The following CTSC variants were observed in gnomAD, a reference collection of about 807,000 sequenced individuals.
The protein encoded by CTSC is dipeptidyl peptidase 1.
Under a neutral mutation model 40.9 loss-of-function variants are expected in CTSC, and 37 were observed. The ratio of observed to expected loss-of-function variants is 0.91; its 90% CI spans 0.70 to 1.19. CTSC has a LOEUF of 1.19. CTSC is among the 50% of genes most tolerant of loss of function. CTSC has a pLI of 0.00. For synonymous variants in CTSC, 232 were observed against 207.4 expected, an observed-to-expected ratio of 1.12 and a Z score of -1.02; for missense variants, 594 against 567.3, an observed-to-expected ratio of 1.05 and a Z score of -0.48.
intron 2 of CTSC, among the ~76,000 whole-genome samples, chr11:88,317,338 T>C (rs969207441): frequency 6.6e-6 from 1 of 152,248 alleles, no homozygotes; most frequent in African/African-American, 2.4e-5. Context: ...CCTAAAAAAC[T>C]ACAACTTTGT....
chr11:88,325,519 A>G lies in CTSC; in HGVS notation c.318+9418T>C, dbSNP rs182520635. 26 of 985,390 alleles carry G rather than the reference A, an allele frequency of 2.6e-5. No homozygotes were observed. The East Asian group carries it at 1.1e-3, about 43-fold the overall frequency. 61.0% of individuals were successfully genotyped at this position (985,390 alleles called of 1,614,324 possible). ...TTTTTTCACTATTTAGCCCCAAGGA[A>G]GTCTTTAGGCTTGAAAGACAAGTTC... On this transcript the variant is annotated intron_variant, in intron 2 of 6. Coordinates refer to ENST00000227266, the MANE Select transcript of CTSC (RefSeq NM_001814.6).
chr11:88,293,893 T>A lies in CTSC; in HGVS notation c.*113A>T, dbSNP rs564800917. 262 of 1,268,704 alleles carry A rather than the reference T, an allele frequency of 2.1e-4. 6 individuals are homozygous for A. The South Asian group carries it at 2.8e-3, about 13-fold the overall frequency. The allele number at this position is 1,268,704 out of a possible 1,614,324, so 78.6% of individuals were successfully genotyped here. A position where few individuals can be genotyped will look rare whatever the true frequency, so the allele number is the denominator to read the frequency against. On this transcript the variant is annotated 3_prime_UTR_variant, in exon 7 of 7. Coordinates refer to ENST00000227266, the MANE Select transcript of CTSC (RefSeq NM_001814.6). ...TTAATTCTGAAGACAAATATCTTCA[T>A]GGAAATCTATTTGTAAGCTTCTGAG...
At chr11:88,326,010 A>G (rs1938172008) in intron 2 of CTSC, 7 of 1,036,348 alleles carry the variant, frequency 6.8e-6, no homozygotes, top group Non-Finnish European at 8.1e-6. Flanking sequence ...AAAACAAAAC[A>G]TACACTTCAA....
intron 2 of CTSC, among the ~76,000 whole-genome samples, chr11:88,328,925 T>C (rs1938266152): frequency 6.6e-6 from 1 of 152,186 alleles, no homozygotes; most frequent in Non-Finnish European, 1.5e-5. Flanking sequence ...TTAGAAACAC[T>C]GATGGTCATT....
At chr11:88,317,017 A>G (rs1345806950) in intron 2 of CTSC, among the ~76,000 whole-genome samples, 2 of 150,952 alleles carry the variant, frequency 1.3e-5, no homozygotes, top group Non-Finnish European at 2.9e-5. Flanking sequence ...CCCAGGCTGG[A>G]GTGCAGTGGC....
At chr11:88,314,538 C>G (rs1937834008) in intron 2 of CTSC, among the ~76,000 whole-genome samples, 2 of 151,962 alleles carry the variant, frequency 1.3e-5, no homozygotes, top group African/African-American at 4.8e-5. Context: ...ATGATATTCT[C>G]TTTTTTTCAG....
At chr11:88,300,104 C>T (rs905509497) in intron 5 of CTSC, among the ~76,000 whole-genome samples, 8 of 152,162 alleles carry the variant, frequency 5.3e-5, no homozygotes, top group South Asian at 4.2e-4. Flanking sequence ...ATTTATTTTA[C>T]GGGTTCATGT....
intron 1 of CTSC, 97 bp downstream of exon 1, chr11:88,337,404 G>C: frequency 8.0e-7 from 1 of 1,257,710 alleles, no homozygotes; most frequent in Non-Finnish European, 1.1e-6. Context: ...CCACCCACAA[G>C]CGTCTGCCTG....
chr11:88,299,673 AT>A (rs1944337010), intron 5 of CTSC: 1 of 152,204 alleles, frequency 6.6e-6, no homozygotes, highest in Non-Finnish European at 1.5e-5. Flanking sequence ...GGTACTATAA[AT>A]TTATAATCCT....
Position 88,294,167 on chromosome 11 carries a change from C to T in CTSC, c.1231G>A (p.Gly411Ser). The T allele has an allele frequency of 6.2e-7, 1 of 1,613,808 alleles. No homozygotes were observed. The highest frequency in any genetic ancestry group is 8.5e-7 in the Non-Finnish European group (1 of 1,179,998). Residue 411 changes from glycine (G) to serine (S), a missense_variant, in exon 7 of 7, where the codon GGC becomes AGC. By Grantham distance (56) the Gly-to-Ser change is moderately conservative. Coordinates refer to ENST00000227266, the MANE Select transcript of CTSC (RefSeq NM_001814.6). The stretch of plus-strand genomic sequence containing the variant: ...CCAGAGGCTGAGTCAGTGCCATAGC[C>T]CACAAGCAGAACAGCATGATTAGTC... ...ELTNHAVLLV[G>S]YGTDSASGMD... is the part of the protein sequence containing the mutation.
At chr11:88,328,772 C>T (rs571249544) in intron 2 of CTSC, among the ~76,000 whole-genome samples, 3 of 152,088 alleles carry the variant, frequency 2.0e-5, no homozygotes, top group Admixed American at 6.5e-5. Context: ...AGACTATAGG[C>T]GTGCACCACC....
chr11:88,335,229 C>G, intron 1 of CTSC, 147 bp from the exon 2 acceptor site: 2 of 661,778 alleles, frequency 3.0e-6, no homozygotes, highest in South Asian at 3.5e-5. Flanking sequence ...AAACCAGAGG[C>G]TCCATCTTGT....
chr11:88,318,555 G>A (rs1399346157), intron 2 of CTSC, among the ~76,000 whole-genome samples: 3 of 152,166 alleles, frequency 2.0e-5, no homozygotes, highest in Admixed American at 6.5e-5. Context: ...TCAACCAGTG[G>A]TTTCCAGCGG....
At chr11:88,296,019 T>G in intron 6 of CTSC, 114 bp downstream of exon 6, 1 of 1,131,878 alleles carries the variant, frequency 8.8e-7, no homozygotes. Context: ...ACTCAGATTT[T>G]CTGACTATAG....
chr11:88,300,474 C>T, intron 5 of CTSC, 56 bp downstream of exon 5: 1 of 1,056,180 alleles, frequency 9.5e-7, no homozygotes, highest in Non-Finnish European at 1.5e-6. Flanking sequence ...CACAGAGCAA[C>T]TGTTCAATAA....
chr11:88,315,324 G>C (rs1303418688), intron 2 of CTSC, among the ~76,000 whole-genome samples: 1 of 152,112 alleles, frequency 6.6e-6, no homozygotes, highest in African/African-American at 2.4e-5. Context: ...CACACAGGAA[G>C]ACATTCACTG....
intron 5 of CTSC, 50 bp from the exon 6 acceptor site, chr11:88,296,314 A>C: frequency 1.2e-6 from 2 of 1,610,146 alleles, no homozygotes; most frequent in Non-Finnish European, 1.7e-6. Context: ...GAAGCCTCAC[A>C]GAGAATCATG....
rs760259479 is a variant in CTSC at position 88,294,250 on chromosome 11, T to C, written c.1148A>G (p.Tyr383Cys). ...AFEVYDDFLH[Y>C]KKGIYHHTGL... Reference sequence around the variant, plus strand: ...AGTGTGGTGGTAGATCCCCTTTTTGTAGTGGAGGAAGTCATCATATACTTC... The same window carrying C: ...AGTGTGGTGGTAGATCCCCTTTTTGCAGTGGAGGAAGTCATCATATACTTC... Residue 383 changes from tyrosine (Y) to cysteine (C), a missense_variant, in exon 7 of 7, where the codon TAC becomes TGC. Tyr to Cys is a radical substitution (Grantham distance 194). Coordinates refer to ENST00000227266, the MANE Select transcript of CTSC (RefSeq NM_001814.6). 1 of 1,613,996 alleles carries C rather than the reference T, an allele frequency of 6.2e-7. No individual in the cohort carries two copies. Among genetic ancestry groups the C allele is most frequent in the Non-Finnish European group, 8.5e-7 (1 of 1,180,018 alleles).
chr11:88,294,417 A>C lies in CTSC; in HGVS notation c.981T>G (p.Thr327=), dbSNP rs768519393. 2.2e-5 allele frequency: 36 copies of C among 1,614,064 alleles called. No homozygotes were observed. Among genetic ancestry groups the C allele is most frequent in the Non-Finnish European group, 2.8e-5 (33 of 1,180,032 alleles). The change falls in exon 7 of 7, where the codon ACT becomes ACG. Residue 327 remains threonine, a synonymous_variant. Transcript: ENST00000227266. The stretch of plus-strand genomic sequence containing the variant: ...CTTCCTTCATTTTGCATGGAGAATC[A>C]GTGCCTGTGTAGGGGAAGCAAGCTT... ...VEEACFPYTG[T]DSPCKMKEDC...
Sources: allele counts gnomAD v4.1 joint callset (sites outside exome capture counted in the v4.1 genomes callset), GRCh38; gene constraint gnomAD v4.1.1; transcripts MANE v1.5; gene names NCBI Gene and HGNC (gene_info 2026-07-23, HGNC 2026-07-21).